The following NIPA1 variants were observed in gnomAD, a reference collection of about 807,000 sequenced individuals.
NIPA1 encodes magnesium transporter NIPA1.
A neutral mutation model predicts 23.9 loss-of-function variants in NIPA1; 13 were observed. The ratio of observed to expected loss-of-function variants is 0.54; its 90% CI spans 0.35 to 0.87. NIPA1 has a LOEUF of 0.87. NIPA1 is among the 40% of genes least tolerant of loss of function. The pLI is 0.01. For synonymous variants in NIPA1, 234 were observed against 202.9 expected, an observed-to-expected ratio of 1.15 and a Z score of -1.30; for missense variants, 362 against 429.7, an observed-to-expected ratio of 0.84 and a Z score of 1.39.
chr15:22,811,072 C>T (rs1253109931), intron 2 of NIPA1: 1 of 501,542 alleles, frequency 2.0e-6, no homozygotes, highest in Non-Finnish European at 3.6e-6. Flanking sequence ...TGAATTCAGT[C>T]CAGGCTGATC....
Position 22,823,777 on chromosome 15 carries a change from C to G in NIPA1, c.528C>G (p.Ile176Met). The G allele has an allele frequency of 6.2e-7, 1 of 1,613,364 alleles. No individual in the cohort carries two copies. Among genetic ancestry groups the G allele is most frequent in the Non-Finnish European group, 8.5e-7 (1 of 1,179,800 alleles). Residue 176 changes from isoleucine (I) to methionine (M), a missense_variant, in exon 5 of 5, where the codon ATC becomes ATG. Coordinates refer to ENST00000337435, the MANE Select transcript of NIPA1 (RefSeq NM_144599.5). ...TGCTGCTCATGCTGCTGCTGCTCAT[C>G]TTCTGGATCGCGCCGGCCCATGGGC... ...CIVLLMLLLL[I>M]FWIAPAHGPT...
At position 22,824,038 on chromosome 15, in the gene NIPA1, C is replaced by G; in HGVS notation, c.789C>G (p.Ile263Met). 6.2e-7 allele frequency: 1 copy of G among 1,614,134 alleles called. No individual in the cohort carries two copies. The highest frequency in any genetic ancestry group is 8.5e-7 in the Non-Finnish European group (1 of 1,179,968). Residue 263 changes from isoleucine to methionine, a missense_variant, in exon 5 of 5, where the codon ATC (isoleucine) becomes ATG (methionine). Around this residue, in one of 2 missense-constraint regions of NIPA1, gnomAD observed 277 missense variants for 372.0 expected, o/e 0.74. Coordinates refer to ENST00000337435, the MANE Select transcript of NIPA1 (RefSeq NM_144599.5). The surrounding 1 kb of genome is among the most constrained non-coding windows in gnomAD (Gnocchi z 4.1). ...TCGACTCCTCGGTGTTCGGGGCCATCTACTACGTCGTGTTTACCACGCTGG... is the reference window on the plus strand; with the variant it reads ...TCGACTCCTCGGTGTTCGGGGCCATGTACTACGTCGTGTTTACCACGCTGG... ...ECFDSSVFGA[I>M]YYVVFTTLVL... is the part of the protein sequence containing the mutation.
rs369640987 is a variant in NIPA1 at position 22,823,756 on chromosome 15, G to A, written c.507G>A (p.Leu169=). ...PVFVGYLCIV[L]LMLLLLIFWI... is the part of the protein sequence containing the mutation. ...TTGTGGGCTACCTGTGCATCGTGCT[G>A]CTCATGCTGCTGCTGCTCATCTTCT... The change falls in exon 5 of 5, where the codon CTG becomes CTA. Residue 169 remains leucine (L), a synonymous_variant. Coordinates refer to ENST00000337435, the MANE Select transcript of NIPA1 (RefSeq NM_144599.5). 11 of 1,611,604 alleles carry A rather than the reference G, an allele frequency of 6.8e-6. No individual in the cohort carries two copies. Among genetic ancestry groups the A allele is most frequent in the Middle Eastern group, 1.7e-4 (1 of 6,052 alleles).
At chr15:22,820,157 A>G (rs1047171444) in intron 3 of NIPA1, among the ~76,000 whole-genome samples, 156 bp from the exon 4 acceptor site, 3 of 152,134 alleles carry the variant, frequency 2.0e-5, no homozygotes, top group Non-Finnish European at 4.4e-5. Context: ...TGATTGCACC[A>G]CTGCACTCCA....
At chr15:22,807,782 T>TTCTGTGTGTGTGTGTGTGTGTGTG (rs1555372969) in intron 1 of NIPA1, among the ~76,000 whole-genome samples, 3 of 145,826 alleles carry the variant, frequency 2.1e-5, no homozygotes, top group African/African-American at 7.9e-5. Flanking sequence ...TTAAATTCAC[T>TTCTGTGTGTGTGTGTGTGTGTGTG]TGTGTGTGTG....
intron 1 of NIPA1, among the ~76,000 whole-genome samples, chr15:22,801,185 T>G (rs1047835409): frequency 1.3e-5 from 2 of 152,196 alleles, no homozygotes; most frequent in African/African-American, 2.4e-5. Flanking sequence ...TTAGATGTTC[T>G]TTGCAAACAT....
intron 1 of NIPA1, among the ~76,000 whole-genome samples, chr15:22,796,116 C>G (rs953349433): frequency 5.9e-5 from 9 of 151,634 alleles, no homozygotes; most frequent in Non-Finnish European, 1.3e-4. Context: ...GAGACAAGAT[C>G]TTGCTATGTT....
Position 22,825,412 on chromosome 15 carries a change from A to C in NIPA1, c.*1173A>C, listed in dbSNP as rs1167398309. 1 of 152,244 alleles carries C rather than the reference A, an allele frequency of 6.6e-6. No homozygotes were observed. The highest frequency in any genetic ancestry group is 1.9e-4 in the East Asian group (1 of 5,206). 9.4% of individuals were successfully genotyped at this position (152,244 alleles called of 1,614,324 possible). A position where few individuals can be genotyped will look rare whatever the true frequency, so the allele number is the denominator to read the frequency against. ...GTCAAGACTAAAGACACATTAGAGC[A>C]AATTGACCCCTTTAACATGTGATTA... On this transcript the variant is annotated 3_prime_UTR_variant, in exon 5 of 5. Transcript: ENST00000337435.
chr15:22,810,936 C>G (rs544923020), intron 2 of NIPA1, 140 bp downstream of exon 2: 1 of 750,594 alleles, frequency 1.3e-6, no homozygotes, highest in Non-Finnish European at 2.4e-6. Flanking sequence ...AGGCCCTAAG[C>G]GTGCCTTTCA....
chr15:22,791,506 C>T (rs1034181782), intron 1 of NIPA1, among the ~76,000 whole-genome samples: 6 of 28,288 alleles, frequency 2.1e-4, no homozygotes, highest in Admixed American at 5.4e-4. Context: ...TTTTGTGAGA[C>T]GGAGTGTTGC....
intron 1 of NIPA1, among the ~76,000 whole-genome samples, chr15:22,809,115 G>A (rs1451468223): frequency 6.6e-6 from 1 of 152,090 alleles, no homozygotes; most frequent in African/African-American, 2.4e-5. Context: ...GGCTGGGCAC[G>A]GTGATTCACT....
chr15:22,814,921 T>C (rs894113246), intron 3 of NIPA1, among the ~76,000 whole-genome samples: 5 of 152,160 alleles, frequency 3.3e-5, no homozygotes, highest in African/African-American at 1.2e-4. Flanking sequence ...TAACTCTTTG[T>C]TGAGGGAGCC....
chr15:22,799,660 T>G (rs1308325938), intron 1 of NIPA1, among the ~76,000 whole-genome samples: 6 of 151,512 alleles, frequency 4.0e-5, no homozygotes, highest in Non-Finnish European at 8.8e-5. Context: ...CAGGCGCCTG[T>G]AGTCCCAGCT....
intron 1 of NIPA1, among the ~76,000 whole-genome samples, chr15:22,809,813 G>A (rs1895283730): frequency 6.6e-6 from 1 of 151,980 alleles, no homozygotes; most frequent in Admixed American, 6.6e-5. Flanking sequence ...GCCGAGGTGG[G>A]CGGATCACCT....
intron 4 of NIPA1, among the ~76,000 whole-genome samples, chr15:22,821,609 G>T (rs1027758281): frequency 5.1e-4 from 75 of 146,008 alleles, no homozygotes; most frequent in African/African-American, 1.8e-3. Flanking sequence ...GTCCACACTG[G>T]CTGGTTTGCA....
intron 4 of NIPA1, 102 bp from the exon 5 acceptor site, chr15:22,823,626 T>C: frequency 1.7e-6 from 2 of 1,168,702 alleles, no homozygotes; most frequent in Non-Finnish European, 2.5e-6. Flanking sequence ...TAGAGGCCGG[T>C]GGCGGGTGGC....
intron 1 of NIPA1, among the ~76,000 whole-genome samples, chr15:22,792,725 A>G (rs930757494): frequency 6.6e-6 from 1 of 150,756 alleles, no homozygotes; most frequent in Non-Finnish European, 1.5e-5. Flanking sequence ...AGGCCGAGGC[A>G]GGTGGATCGC....
Position 22,789,391 on chromosome 15 carries a change from C to A in NIPA1, c.178+2557C>A, listed in dbSNP as rs117946938. On this transcript the variant is annotated intron_variant, in intron 1 of 4. Transcript: ENST00000337435. ...GTTAGGCTTTAGCTCTATGACTCTTCAGAGCCTCCCGTCCAGGAGGCCATT... is the reference window on the plus strand; with the variant it reads ...GTTAGGCTTTAGCTCTATGACTCTTAAGAGCCTCCCGTCCAGGAGGCCATT... Among the ~76,000 whole-genome samples, 1,499 of 152,308 alleles carry A rather than the reference C, an allele frequency of 9.8e-3. 13 individuals carry two copies. Among genetic ancestry groups the A allele is most frequent in the Non-Finnish European group, 0.016 (1,087 of 68,016 alleles).
intron 1 of NIPA1, among the ~76,000 whole-genome samples, chr15:22,808,646 G>C (rs945237198): frequency 6.7e-6 from 1 of 148,868 alleles, no homozygotes; most frequent in Non-Finnish European, 1.5e-5. Context: ...GCCTAAATCA[G>C]TTTTTACTGT....
Sources: allele counts gnomAD v4.1 joint callset (sites outside exome capture counted in the v4.1 genomes callset), GRCh38; gene constraint gnomAD v4.1.1; regional missense constraint gnomAD v4.1.1; non-coding constraint Gnocchi (gnomAD v3.1); transcripts MANE v1.5; gene names NCBI Gene and HGNC (gene_info 2026-07-23, HGNC 2026-07-21).